The following GTF2F2 variants were observed in gnomAD, a reference collection of about 807,000 sequenced individuals.
GTF2F2 encodes the protein general transcription factor IIF subunit 2.
Under a neutral mutation model 42.2 loss-of-function variants are expected in GTF2F2, and 23 were observed. The ratio of observed to expected loss-of-function variants is 0.55; its 90% CI spans 0.39 to 0.77. GTF2F2 has a LOEUF of 0.77. GTF2F2 is among the 30% of genes least tolerant of loss of function. The pLI is 0.00. For missense variants in GTF2F2, 261 were observed against 287.2 expected, an observed-to-expected ratio of 0.91 and a Z score of 0.66; for synonymous variants, 105 against 100.8, an observed-to-expected ratio of 1.04 and a Z score of -0.25.
At chr13:45,194,076 G>A (rs1354002918) in intron 4 of GTF2F2, 1 of 1,614,074 alleles carries the variant, frequency 6.2e-7, no homozygotes, top group Admixed American at 1.7e-5. Context: ...TTTTTGATAT[G>A]AAATCAGGAG....
At chr13:45,220,783 A>G (rs1396694697) in intron 5 of GTF2F2, 1 of 152,024 alleles carries the variant, frequency 6.6e-6, no homozygotes, top group Non-Finnish European at 1.5e-5. Context: ...TTTTACTCTG[A>G]GGGGGGTTCC....
Position 45,284,633 on chromosome 13 carries a change from A to G in GTF2F2, c.*1072A>G, listed in dbSNP as rs559569063. On this transcript the variant is annotated 3_prime_UTR_variant, in exon 8 of 8. Coordinates refer to ENST00000340473, the MANE Select transcript of GTF2F2 (RefSeq NM_004128.3). The stretch of plus-strand genomic sequence containing the variant: ...TTGTCATCTGCTTCTAGATGCTGCA[A>G]TCAAGAAGTAGCAAATGCCCAAGTT... The G allele has an allele frequency of 3.3e-5, 5 of 152,310 alleles. No homozygotes were observed. In the East Asian group the frequency reaches 5.8e-4, roughly 18 times the overall value. The allele number at this position is 152,310 out of a possible 1,614,324, so 9.4% of individuals were successfully genotyped here. A position where few individuals can be genotyped will look rare whatever the true frequency, so the allele number is the denominator to read the frequency against.
chr13:45,214,728 T>TAGAAACACAGG (rs1284755312), intron 5 of GTF2F2, among the ~76,000 whole-genome samples: 8 of 150,438 alleles, frequency 5.3e-5, no homozygotes, highest in African/African-American at 2.0e-4. Flanking sequence ...GTAACTTTTA[T>TAGAAACACAGG]TTCAGCCTCT....
intron 4 of GTF2F2, among the ~76,000 whole-genome samples, chr13:45,160,059 T>C (rs1376538516): frequency 2.0e-5 from 3 of 152,242 alleles, no homozygotes; most frequent in Non-Finnish European, 4.4e-5. Flanking sequence ...ATAATTTAAT[T>C]ACTGTTGTCA....
At chr13:45,126,003 T>C (rs557212409) in intron 1 of GTF2F2, among the ~76,000 whole-genome samples, 2 of 152,214 alleles carry the variant, frequency 1.3e-5, no homozygotes, top group Non-Finnish European at 2.9e-5. Context: ...GGTCTTTCTT[T>C]AGTGGAGGCA....
At chr13:45,166,629 C>G (rs1029314657) in intron 4 of GTF2F2, among the ~76,000 whole-genome samples, 1 of 152,038 alleles carries the variant, frequency 6.6e-6, no homozygotes, top group Non-Finnish European at 1.5e-5. Flanking sequence ...TCTTGTCAAT[C>G]CACTATGACC....
chr13:45,148,807 A>T (rs2138116158), intron 2 of GTF2F2, among the ~76,000 whole-genome samples: 1 of 152,306 alleles, frequency 6.6e-6, no homozygotes, highest in South Asian at 2.1e-4. Flanking sequence ...AAAAAAAATT[A>T]AAATTTAAAA....
intron 4 of GTF2F2, among the ~76,000 whole-genome samples, chr13:45,159,721 G>T (rs1238519690): frequency 6.6e-6 from 1 of 152,144 alleles, no homozygotes; most frequent in Non-Finnish European, 1.5e-5. Context: ...TAATCTGCCC[G>T]CCTCAGCCTC....
intron 1 of GTF2F2, chr13:45,124,107 C>A: frequency 1.3e-6 from 1 of 769,574 alleles, no homozygotes; most frequent in South Asian, 1.4e-5. Context: ...ACAAAGTGGT[C>A]GTTGAGGGCA....
intron 4 of GTF2F2, among the ~76,000 whole-genome samples, chr13:45,175,857 C>T (rs1366097505): frequency 6.6e-6 from 1 of 152,156 alleles, no homozygotes; most frequent in Non-Finnish European, 1.5e-5. Context: ...CTCCCGACAT[C>T]AGGTAATCCG....
chr13:45,212,447 G>GTTTGTTTCTTTCTTTTCT (rs1555269181), intron 5 of GTF2F2, among the ~76,000 whole-genome samples: 1 of 45,678 alleles, frequency 2.2e-5, no homozygotes, highest in Non-Finnish European at 4.3e-5. Flanking sequence ...TTTCTTTCTT[G>GTTTGTTTCTTTCTTTTCT]TTTCTTTCTT....
chr13:45,189,107 G>A (rs1872534300), intron 4 of GTF2F2, among the ~76,000 whole-genome samples: 1 of 152,004 alleles, frequency 6.6e-6, no homozygotes, highest in East Asian at 1.9e-4. Flanking sequence ...CTGTGTCCAA[G>A]TGTTCTCATT....
chr13:45,279,923 C>T (rs1877192804), intron 7 of GTF2F2, among the ~76,000 whole-genome samples: 1 of 151,766 alleles, frequency 6.6e-6, no homozygotes, highest in South Asian at 2.1e-4. Context: ...CCCCCGCCCC[C>T]CCCAAAAAAG....
intron 7 of GTF2F2, among the ~76,000 whole-genome samples, chr13:45,271,871 G>A (rs1488889703): frequency 6.6e-6 from 1 of 152,036 alleles, no homozygotes; most frequent in Non-Finnish European, 1.5e-5. Flanking sequence ...GGTATGTAGA[G>A]AGTAGAATTT....
At chr13:45,193,727 G>T in intron 4 of GTF2F2, 1 of 1,473,776 alleles carries the variant, frequency 6.8e-7, no homozygotes, top group Non-Finnish European at 9.2e-7. Flanking sequence ...TGTCTTTGAT[G>T]CTGTGGTTTT....
At chr13:45,213,429 T>TA (rs990371637) in intron 5 of GTF2F2, among the ~76,000 whole-genome samples, 9 of 152,152 alleles carry the variant, frequency 5.9e-5, no homozygotes, top group African/African-American at 2.2e-4. Context: ...TCTGAGCCTT[T>TA]AAAACCAACC....
intron 4 of GTF2F2, among the ~76,000 whole-genome samples, chr13:45,158,777 A>G (rs1022150362): frequency 2.0e-5 from 3 of 152,232 alleles, no homozygotes; most frequent in African/African-American, 4.8e-5. Context: ...CATTGAGCAC[A>G]TCTGTGGCTT....
chr13:45,125,006 A>G (rs927246888), intron 1 of GTF2F2, among the ~76,000 whole-genome samples: 1 of 152,226 alleles, frequency 6.6e-6, no homozygotes, highest in Non-Finnish European at 1.5e-5. Context: ...CAGACAGGCA[A>G]GCGCTTGGAC....
chr13:45,121,020 C>A (rs1868603422), intron 1 of GTF2F2, among the ~76,000 whole-genome samples: 1 of 152,158 alleles, frequency 6.6e-6, no homozygotes, highest in Non-Finnish European at 1.5e-5. Context: ...GCATTTTATC[C>A]CAGACTGAAG....
Sources: allele counts gnomAD v4.1 joint callset (sites outside exome capture counted in the v4.1 genomes callset), GRCh38; gene constraint gnomAD v4.1.1; transcripts MANE v1.5; gene names NCBI Gene and HGNC (gene_info 2026-07-23, HGNC 2026-07-21).